Variants in SETD2 observed in about 807,000 individuals in gnomAD.
The protein encoded by SETD2 is SET domain containing 2, histone lysine methyltransferase.
A neutral mutation model predicts 242.1 loss-of-function variants in SETD2; 31 were observed. The ratio of observed to expected loss-of-function variants is 0.13; its 90% CI spans 0.10 to 0.17. The LOEUF is 0.17. Ranked by LOEUF, SETD2 falls within the 10% of genes least tolerant of loss-of-function variation. The probability of loss-of-function intolerance (pLI) is 1.00; values close to 1 mark genes in which losing one functional copy is unlikely to be tolerated. For synonymous variants in SETD2, 1,006 were observed against 1,066.5 expected (o/e 0.94, Z 1.11); for missense variants, 2,481 against 3,046.3 (o/e 0.81, Z 4.37).
intron 1 of SETD2, among the ~76,000 whole-genome samples, chr3:47,147,831 G>A (rs1315556234): frequency 6.7e-6 from 1 of 148,484 alleles, no homozygotes; most frequent in Non-Finnish European, 1.5e-5. Context: ...GCTGAAGCAG[G>A]AGAATGGCAT....
intron 9 of SETD2, among the ~76,000 whole-genome samples, chr3:47,091,152 G>C (rs979625804): frequency 6.6e-6 from 1 of 152,110 alleles, no homozygotes; most frequent in African/African-American, 2.4e-5. Flanking sequence ...ATCCAAGAAA[G>C]ACAATTTCAT....
intron 18 of SETD2, among the ~76,000 whole-genome samples, chr3:47,033,652 ATTTT>A (rs34978514): frequency 4.4e-5 from 4 of 90,856 alleles, no homozygotes; most frequent in Non-Finnish European, 7.7e-5. Context: ...TCATGGTTTG[ATTTT>A]TTTTTTTTTT....
intron 1 of SETD2, among the ~76,000 whole-genome samples, chr3:47,137,232 C>T (rs1371809550): frequency 2.0e-5 from 3 of 151,836 alleles, no homozygotes; most frequent in Non-Finnish European, 4.4e-5. Context: ...CTTACTCTGT[C>T]GCCAGGCTGG....
chr3:47,125,342 T>TA (rs11308076), intron 2 of SETD2, among the ~76,000 whole-genome samples: 12 of 149,426 alleles, frequency 8.0e-5, no homozygotes, highest in South Asian at 4.3e-4. Flanking sequence ...ATTTAAAAAT[T>TA]AAAAAAAAAA....
chr3:47,130,238 G>C (rs1026957877), intron 1 of SETD2, among the ~76,000 whole-genome samples: 3 of 152,148 alleles, frequency 2.0e-5, no homozygotes, highest in African/African-American at 7.2e-5. Flanking sequence ...CTAGATAATA[G>C]ACAGGGAGTG....
chr3:47,145,833 A>G (rs557267805), intron 1 of SETD2, among the ~76,000 whole-genome samples: 25 of 151,854 alleles, frequency 1.6e-4, no homozygotes, highest in Non-Finnish European at 3.1e-4. Flanking sequence ...CCTGGACAAC[A>G]TAGCGAGGCT....
At chr3:47,133,103 G>GAT (rs1490610969) in intron 1 of SETD2, among the ~76,000 whole-genome samples, 1 of 152,070 alleles carries the variant, frequency 6.6e-6, no homozygotes, top group African/African-American at 2.4e-5. Context: ...AAAAAGTAAT[G>GAT]ATGTATACAT....
intron 1 of SETD2, among the ~76,000 whole-genome samples, chr3:47,154,273 G>A (rs1320606890): frequency 6.6e-6 from 1 of 152,088 alleles, no homozygotes; most frequent in Admixed American, 6.5e-5. Flanking sequence ...GCTGGGCGTG[G>A]TGGTGCGCGC....
At chr3:47,135,432 C>T (rs1470042580) in intron 1 of SETD2, among the ~76,000 whole-genome samples, 2 of 152,144 alleles carry the variant, frequency 1.3e-5, no homozygotes, top group Non-Finnish European at 2.9e-5. Context: ...ACGCCACTTA[C>T]GTCCAGCTAA....
At chr3:47,160,871 T>G (rs1335770088) in intron 1 of SETD2, among the ~76,000 whole-genome samples, 1 of 152,154 alleles carries the variant, frequency 6.6e-6, no homozygotes, top group Non-Finnish European at 1.5e-5. Flanking sequence ...GGACACCCAC[T>G]GCACAGATAC....
intron 3 of SETD2, among the ~76,000 whole-genome samples, chr3:47,118,265 C>T (rs2042938896): frequency 1.3e-5 from 2 of 152,176 alleles, no homozygotes; most frequent in African/African-American, 4.8e-5. Context: ...TTTTGTATTG[C>T]TCTAGAAGGC....
rs763365671 is a variant in SETD2 at position 47,124,032 on chromosome 3, G to C, written c.604C>G (p.Leu202Val). The C allele has an allele frequency of 3.9e-6, 6 of 1,552,128 alleles. No homozygotes were observed. Among genetic ancestry groups the C allele is most frequent in the Non-Finnish European group, 5.2e-6 (6 of 1,147,122 alleles). The change falls in exon 3 of 21, where the codon CTC becomes GTC. Residue 202 changes from leucine to valine, a missense_variant. Around this residue, in one of 17 missense-constraint regions of SETD2, gnomAD observed 334 missense variants for 374.5 expected, o/e 0.89. Transcript: ENST00000409792. ...PPPPPAQATTLSSPAPVTEPV... is the reference protein window; with the variant it reads ...PPPPPAQATTVSSPAPVTEPV... ...TCTGTTACTGGTGCTGGTGATGAGAGTGTTGTGGCTTGGGCAGGTGGAGGC... is the reference window on the plus strand; with the variant it reads ...TCTGTTACTGGTGCTGGTGATGAGACTGTTGTGGCTTGGGCAGGTGGAGGC...
At chr3:47,134,860 G>A (rs1303957899) in intron 1 of SETD2, among the ~76,000 whole-genome samples, 1 of 152,148 alleles carries the variant, frequency 6.6e-6, no homozygotes, top group Non-Finnish European at 1.5e-5. Flanking sequence ...CTGACCTCTA[G>A]TGATCAACCC....
intron 15 of SETD2, among the ~76,000 whole-genome samples, chr3:47,047,223 C>T (rs1382507390): frequency 6.6e-6 from 1 of 152,184 alleles, no homozygotes; most frequent in Non-Finnish European, 1.5e-5. Flanking sequence ...ATACAGTGTT[C>T]TATGATGCAA....
At chr3:47,067,049 A>G (rs764736513) in intron 13 of SETD2, 21 bp downstream of exon 13, 3 of 1,581,206 alleles carry the variant, frequency 1.9e-6, no homozygotes, top group Non-Finnish European at 1.7e-6. Flanking sequence ...CCATCAACAC[A>G]GAGTATCTCT....
rs1272627601 is a variant in SETD2 at position 47,122,071 on chromosome 3, G to C, written c.2565C>G (p.Ser855Arg). The change falls in exon 3 of 21, where the codon AGC (serine) becomes AGG (arginine). Residue 855 changes from serine (S) to arginine (R), a missense_variant. Physicochemically the swap from Ser to Arg is moderately radical, Grantham distance 110. This residue lies in a region of SETD2 where 1,300 missense variants were observed against 1,259.2 expected (regional missense o/e 1.03). Coordinates refer to ENST00000409792, the MANE Select transcript of SETD2 (RefSeq NM_014159.7). Reference sequence around the variant, plus strand: ...CAGAAGCTGAACTAGTGCTACCGATGCTCTGCTTATATTCTTCACATGCAA... The same window carrying C: ...CAGAAGCTGAACTAGTGCTACCGATCCTCTGCTTATATTCTTCACATGCAA... ...SKFACEEYKQ[S>R]IGSTSSASVN... The C allele has an allele frequency of 6.2e-7, 1 of 1,613,700 alleles. No homozygotes were observed. Among genetic ancestry groups the C allele is most frequent in the Non-Finnish European group, 8.5e-7 (1 of 1,179,942 alleles).
intron 14 of SETD2, among the ~76,000 whole-genome samples, chr3:47,059,416 G>A (rs1423162856): frequency 6.7e-6 from 1 of 150,200 alleles, no homozygotes; most frequent in African/African-American, 2.5e-5. Flanking sequence ...GCGCTCGGCC[G>A]CAAATTTTTT....
At chr3:47,062,801 A>T (rs545836564) in intron 13 of SETD2, among the ~76,000 whole-genome samples, 11 of 151,624 alleles carry the variant, frequency 7.3e-5, no homozygotes, top group Admixed American at 2.0e-4. Context: ...TTTTTTTTTT[A>T]AAGGTACGCA....
chr3:47,133,203 T>G (rs1291616937), intron 1 of SETD2, among the ~76,000 whole-genome samples: 1 of 152,142 alleles, frequency 6.6e-6, no homozygotes, highest in Non-Finnish European at 1.5e-5. Flanking sequence ...GAAATCTCTG[T>G]GTTTTAAAAA....
Sources: gnomAD v4.1 joint callset for allele counts (sites outside exome capture counted in the v4.1 genomes callset) on GRCh38, gnomAD v4.1.1 for gene constraint, gnomAD v4.1.1 regional missense constraint, MANE v1.5 for transcripts, NCBI Gene and HGNC (gene_info 2026-07-23, HGNC 2026-07-21) for gene names.